CCDC102B: variants seen among roughly 807,000 people sequenced by gnomAD.
The protein encoded by CCDC102B is coiled-coil domain containing 102B.
In CCDC102B, 75 loss-of-function variants were observed where a neutral mutation model predicts 57.4. The ratio of observed to expected loss-of-function variants is 1.31; its 90% confidence interval spans 1.08 to 1.58. CCDC102B has a LOEUF of 1.58. CCDC102B is among the 40% of genes most tolerant of loss of function. The pLI is 0.00. For synonymous variants in CCDC102B, 206 were observed against 201.9 expected, an observed-to-expected ratio of 1.02 and a Z score of -0.17; for missense variants, 636 against 582.6, an observed-to-expected ratio of 1.09 and a Z score of -0.94.
At chr18:69,001,129 C>T (rs1015594236) in intron 6 of CCDC102B, among the ~76,000 whole-genome samples, 1 of 152,086 alleles carries the variant, frequency 6.6e-6, no homozygotes, top group African/African-American at 2.4e-5. Context: ...CTATTTCTGC[C>T]CAGAGAGACT....
intron 7 of CCDC102B, among the ~76,000 whole-genome samples, chr18:69,042,071 G>A (rs534305684): frequency 6.6e-6 from 1 of 152,074 alleles, no homozygotes; most frequent in Admixed American, 6.6e-5. Context: ...ATTTGGTATA[G>A]AACATTTTCT....
intron 2 of CCDC102B, among the ~76,000 whole-genome samples, chr18:68,838,270 T>G (rs1435527589): frequency 1.3e-5 from 2 of 152,190 alleles, no homozygotes; most frequent in East Asian, 1.9e-4. Context: ...AGCAAGCTTT[T>G]TAAAATATTC....
At chr18:68,768,981 C>T (rs1302051800) in intron 2 of CCDC102B, among the ~76,000 whole-genome samples, 8 of 151,940 alleles carry the variant, frequency 5.3e-5, no homozygotes, top group South Asian at 2.1e-4. Context: ...TGGCTGAATT[C>T]GGTGGTTCAC....
chr18:68,786,308 G>C (rs1202220448), intron 2 of CCDC102B, among the ~76,000 whole-genome samples: 10 of 149,438 alleles, frequency 6.7e-5, no homozygotes, highest in South Asian at 6.3e-4. Flanking sequence ...TTGGCAATGC[G>C]GGCTCTTTTT....
intron 6 of CCDC102B, among the ~76,000 whole-genome samples, chr18:68,914,499 A>G (rs946647063): frequency 5.9e-5 from 9 of 152,214 alleles, no homozygotes; most frequent in South Asian, 4.1e-4. Flanking sequence ...AAAGCATGCA[A>G]TCATCCTGTG....
At position 68,787,142 on chromosome 18, in the gene CCDC102B, A is replaced by G. The variant is rs373948964; in HGVS notation, c.-66-36224A>G. ...TGCTGGATTACATTTATTGATTTGC[A>G]TATATTGAACCAGCCTTGCATCCAA... On this transcript the variant is annotated intron_variant, in intron 2 of 3. Coordinates refer to the CCDC102B transcript ENST00000578970. Among the ~76,000 whole-genome samples, 354 of 151,024 alleles carry G rather than the reference A, an allele frequency of 2.3e-3. 1 individual carries two copies. The highest frequency in any genetic ancestry group is 7.7e-3 in the African/African-American group (312 of 40,620).
At chr18:68,946,931 C>T (rs2049556629) in intron 6 of CCDC102B, among the ~76,000 whole-genome samples, 1 of 151,816 alleles carries the variant, frequency 6.6e-6, no homozygotes, top group African/African-American at 2.4e-5. Flanking sequence ...TAATAATCCC[C>T]AATGGATGCA....
chr18:69,006,585 C>CTTTTTTTTTTTTT (rs200615759), intron 6 of CCDC102B, among the ~76,000 whole-genome samples: 1 of 134,270 alleles, frequency 7.4e-6, no homozygotes. Context: ...CCACACAGGG[C>CTTTTTTTTTTTTT]TTTTTTTTTT....
At chr18:68,971,551 CACCA>C (rs1232589436) in intron 6 of CCDC102B, among the ~76,000 whole-genome samples, 1 of 152,114 alleles carries the variant, frequency 6.6e-6, no homozygotes, top group African/African-American at 2.4e-5. Flanking sequence ...ATGAAGTGTG[CACCA>C]ATAATTAATC....
chr18:69,003,325 A>G (rs1309544695), intron 6 of CCDC102B, among the ~76,000 whole-genome samples: 2 of 152,092 alleles, frequency 1.3e-5, no homozygotes, highest in Non-Finnish European at 2.9e-5. Context: ...CTTATGTGCA[A>G]TGTTTTTCTC....
chr18:68,802,440 C>T (rs2035888623), intron 1 of CCDC102B, among the ~76,000 whole-genome samples: 1 of 152,134 alleles, frequency 6.6e-6, no homozygotes. Context: ...TATGAATTTA[C>T]TTGCTGGCTT....
intron 1 of CCDC102B, among the ~76,000 whole-genome samples, chr18:68,804,864 CTTT>C (rs202008892): frequency 7.1e-6 from 1 of 140,810 alleles, no homozygotes. Context: ...GGATCAAAAT[CTTT>C]TTTTTTTTTT....
At chr18:68,909,849 A>G (rs1234230503) in intron 6 of CCDC102B, among the ~76,000 whole-genome samples, 1 of 152,230 alleles carries the variant, frequency 6.6e-6, no homozygotes, top group Non-Finnish European at 1.5e-5. Context: ...GGACCTTAAT[A>G]GCTTCCTCTG....
chr18:68,740,386 T>C (rs1464069213), intron 2 of CCDC102B, among the ~76,000 whole-genome samples: 3 of 152,246 alleles, frequency 2.0e-5, no homozygotes, highest in African/African-American at 7.2e-5. Flanking sequence ...CCTCGAGTTG[T>C]AAGTAAAATA....
chr18:68,811,143 G>T (rs1293185102), intron 1 of CCDC102B, among the ~76,000 whole-genome samples: 1 of 152,148 alleles, frequency 6.6e-6, no homozygotes, highest in East Asian at 1.9e-4. Context: ...ATTGTGAATA[G>T]TGCTGCAGTA....
At chr18:68,940,058 C>T (rs1468524759) in intron 6 of CCDC102B, among the ~76,000 whole-genome samples, 2 of 151,438 alleles carry the variant, frequency 1.3e-5, no homozygotes, top group African/African-American at 2.4e-5. Flanking sequence ...TTCAGTATTC[C>T]ATTTTTTTTA....
At chr18:68,872,176 A>AG (rs1416265070) in intron 4 of CCDC102B, among the ~76,000 whole-genome samples, 1 of 152,214 alleles carries the variant, frequency 6.6e-6, no homozygotes, top group African/African-American at 2.4e-5. Flanking sequence ...TTGGCTTTCC[A>AG]GTGTGTCAAG....
At chr18:68,799,247 G>A (rs1403947607) in intron 1 of CCDC102B, among the ~76,000 whole-genome samples, 2 of 152,118 alleles carry the variant, frequency 1.3e-5, no homozygotes, top group Non-Finnish European at 2.9e-5. Context: ...TACAATATCT[G>A]TGTAGGTTTG....
chr18:68,772,617 C>A (rs1487981751), intron 2 of CCDC102B, among the ~76,000 whole-genome samples: 1 of 151,920 alleles, frequency 6.6e-6, no homozygotes, highest in Non-Finnish European at 1.5e-5. Flanking sequence ...TTAAAAAGTT[C>A]TTTTGTTATT....
Sources: gnomAD v4.1 joint callset for allele counts (sites outside exome capture counted in the v4.1 genomes callset) on GRCh38, gnomAD v4.1.1 for gene constraint, MANE v1.5 for transcripts, NCBI Gene and HGNC (gene_info 2026-07-23, HGNC 2026-07-21) for gene names.